Variants in DNAJC24 observed in about 807,000 individuals in gnomAD.
DNAJC24 encodes the protein dnaJ homolog subfamily C member 24.
In DNAJC24, 17 loss-of-function variants were observed where a neutral mutation model predicts 18.0. The observed-to-expected ratio is 0.94, with a 90% confidence interval of 0.65 to 1.42. The LOEUF (loss-of-function observed/expected upper bound fraction) is 1.42. Among genes scored for constraint, DNAJC24 ranks in the 40% most tolerant of loss-of-function variants. The probability of loss-of-function intolerance (pLI) is 0.00; values close to 1 mark genes in which losing one functional copy is unlikely to be tolerated. For missense variants in DNAJC24, 158 were observed against 175.6 expected (o/e 0.90, Z 0.57); for synonymous variants, 55 against 57.7 (o/e 0.95, Z 0.21).
intron 2 of DNAJC24, among the ~76,000 whole-genome samples, chr11:31,398,009 G>A (rs979179063): frequency 1.1e-4 from 16 of 151,922 alleles, no homozygotes; most frequent in Admixed American, 9.2e-4. Flanking sequence ...CATCATGTTG[G>A]CCAGGCTGGT....
chr11:31,372,450 C>T (rs745572239), intron 2 of DNAJC24, among the ~76,000 whole-genome samples: 1 of 134,406 alleles, frequency 7.4e-6, no homozygotes, highest in African/African-American at 2.5e-5. Flanking sequence ...ACCTTTTGCC[C>T]CAGAAGTTTT....
chr11:31,397,556 C>T (rs1176617216), intron 2 of DNAJC24, among the ~76,000 whole-genome samples: 2 of 151,346 alleles, frequency 1.3e-5, no homozygotes, highest in Non-Finnish European at 2.9e-5. Context: ...ACTCTGATAC[C>T]TAACTTTTTG....
At chr11:31,392,484 A>G (rs1952506838) in intron 2 of DNAJC24, among the ~76,000 whole-genome samples, 1 of 152,172 alleles carries the variant, frequency 6.6e-6, no homozygotes, top group Non-Finnish European at 1.5e-5. Flanking sequence ...TTGTGTATTT[A>G]AACATTATCA....
intron 2 of DNAJC24, among the ~76,000 whole-genome samples, chr11:31,406,480 A>G (rs931741106): frequency 2.0e-5 from 3 of 152,218 alleles, no homozygotes; most frequent in Admixed American, 6.5e-5. Flanking sequence ...TTGCACAGAT[A>G]TGGATATAGT....
chr11:31,398,081 G>A lies in DNAJC24; in HGVS notation c.112-16730G>A, dbSNP rs563092277. 2.0e-4 allele frequency among the ~76,000 whole-genome samples: 30 copies of A among 152,276 alleles called. No individual in the cohort carries two copies. The South Asian group carries it at 4.1e-3, about 21-fold the overall frequency. ...CTCCCAAAGTGCTAGGATTATAGGC[G>A]TGAGCCACCACGCCTGGCCCAATAT... On this transcript the variant is annotated intron_variant, in intron 2 of 4. Coordinates refer to ENST00000465995, the MANE Select transcript of DNAJC24 (RefSeq NM_181706.5).
At chr11:31,425,538 G>A (rs1332001289) in intron 3 of DNAJC24, among the ~76,000 whole-genome samples, 1 of 152,142 alleles carries the variant, frequency 6.6e-6, no homozygotes, top group African/African-American at 2.4e-5. Context: ...TTCCTGGCTT[G>A]CAGACAGCCT....
chr11:31,421,863 G>A (rs113287640), intron 3 of DNAJC24: 4 of 281,336 alleles, frequency 1.4e-5, no homozygotes, highest in South Asian at 9.6e-5. Flanking sequence ...ATGACCCAGC[G>A]AGAGCTCTAG....
intron 2 of DNAJC24, among the ~76,000 whole-genome samples, chr11:31,413,051 A>G (rs920888844): frequency 6.6e-6 from 1 of 152,202 alleles, no homozygotes; most frequent in Non-Finnish European, 1.5e-5. Flanking sequence ...AATAAATGAC[A>G]TGGTACTTGC....
chr11:31,411,763 C>T (rs964336201), intron 2 of DNAJC24, among the ~76,000 whole-genome samples: 6 of 152,172 alleles, frequency 3.9e-5, no homozygotes, highest in Admixed American at 3.9e-4. Context: ...TGAACTACAA[C>T]GTAATCATAT....
In DNAJC24 at chr11:31,382,556, T is replaced by C. The variant is rs554626503; in HGVS notation, c.111+11697T>C. On this transcript the variant is annotated intron_variant, in intron 2 of 4. Coordinates refer to ENST00000465995, the MANE Select transcript of DNAJC24 (RefSeq NM_181706.5). ...CATTTAAAAATGGGAAAATTATATT[T>C]TGGATGTGTGGTTTTATCTGTTTAT... Among the ~76,000 whole-genome samples, 40 of 152,334 alleles carry C rather than the reference T, an allele frequency of 2.6e-4. No individual in the cohort carries two copies. The Middle Eastern group carries it at 0.01, about 39-fold the overall frequency.
chr11:31,393,607 T>A (rs2133480110), intron 2 of DNAJC24, among the ~76,000 whole-genome samples: 1 of 152,186 alleles, frequency 6.6e-6, no homozygotes, highest in Non-Finnish European at 1.5e-5. Context: ...ATAACCCTCC[T>A]CTTCAGAGGA....
chr11:31,372,790 C>T (rs542296520), intron 2 of DNAJC24, among the ~76,000 whole-genome samples: 1 of 135,518 alleles, frequency 7.4e-6, no homozygotes, highest in East Asian at 1.9e-4. Context: ...ATTTTGCCAC[C>T]ATTGACATTT....
chr11:31,413,478 C>CTGA (rs1564956077), intron 2 of DNAJC24, among the ~76,000 whole-genome samples: 28 of 151,636 alleles, frequency 1.8e-4, no homozygotes, highest in African/African-American at 6.8e-4. Flanking sequence ...TTACAGGCGC[C>CTGA]CACCACCACA....
intron 4 of DNAJC24, chr11:31,429,915 T>A (rs944626039): frequency 6.3e-6 from 1 of 159,310 alleles, no homozygotes; most frequent in Admixed American, 6.3e-5. Flanking sequence ...ACTGTAATAT[T>A]TTAGACAAAT....
intron 2 of DNAJC24, among the ~76,000 whole-genome samples, chr11:31,405,840 C>T (rs1365616375): frequency 6.6e-6 from 1 of 152,204 alleles, no homozygotes; most frequent in Non-Finnish European, 1.5e-5. Context: ...CAGCATCTGG[C>T]AAGAGTTTTC....
At chr11:31,417,505 C>CGA (rs1200844300) in intron 3 of DNAJC24, among the ~76,000 whole-genome samples, 2 of 151,898 alleles carry the variant, frequency 1.3e-5, no homozygotes, top group South Asian at 2.1e-4. Context: ...GATAGGTTAC[C>CGA]GAGAGAGAGA....
Position 31,431,683 on chromosome 11 carries a change from T to C in DNAJC24, c.*1282T>C, listed in dbSNP as rs988405065. 7 of 151,540 alleles carry C rather than the reference T, an allele frequency of 4.6e-5. No individual in the cohort carries two copies. The highest frequency in any genetic ancestry group is 1.7e-4 in the African/African-American group (7 of 41,320). 9.4% of individuals were successfully genotyped at this position (151,540 alleles called of 1,614,324 possible). On this transcript the variant is annotated 3_prime_UTR_variant, in exon 5 of 5. Transcript: ENST00000465995. ...TTTTTTTAAAAATTAGCCAGTCACGTTGGTGTCTGCCTGTGGTCCCAGCTA... is the reference window on the plus strand; with the variant it reads ...TTTTTTTAAAAATTAGCCAGTCACGCTGGTGTCTGCCTGTGGTCCCAGCTA...
At chr11:31,374,150 G>A (rs2133465648) in intron 2 of DNAJC24, 1 of 387,352 alleles carries the variant, frequency 2.6e-6, no homozygotes, top group East Asian at 7.0e-5. Context: ...AGTGTTAAGA[G>A]CAGGTATCCT....
At chr11:31,389,705 T>C in intron 2 of DNAJC24, among the ~76,000 whole-genome samples, 1 of 152,208 alleles carries the variant, frequency 6.6e-6, no homozygotes, top group South Asian at 2.1e-4. Context: ...AGCTGCAGAA[T>C]AAATATTCTT....
Sources: allele counts gnomAD v4.1 joint callset (sites outside exome capture counted in the v4.1 genomes callset), GRCh38; gene constraint gnomAD v4.1.1; transcripts MANE v1.5; gene names NCBI Gene and HGNC (gene_info 2026-07-23, HGNC 2026-07-21).